LRP2: variants seen among roughly 807,000 people sequenced by gnomAD.
LRP2 encodes low-density lipoprotein receptor-related protein 2.
In LRP2, 172 loss-of-function variants were observed where a neutral mutation model predicts 531.0. The ratio of observed to expected loss-of-function variants is 0.32; its 90% CI spans 0.29 to 0.37. LRP2 has a LOEUF of 0.37. Ranked by LOEUF, LRP2 falls within the 10% of genes least tolerant of loss-of-function variation. LRP2 has a pLI of 1.00. For missense variants in LRP2, 5,167 were observed against 5,868.3 expected (o/e 0.88, Z 3.90); for synonymous variants, 1,992 against 2,027.6 (o/e 0.98, Z 0.47).
chr2:169,205,892 C>G (rs1010046116), intron 40 of LRP2, 131 bp downstream of exon 40: 51 of 1,258,884 alleles, frequency 4.1e-5, no homozygotes, highest in Non-Finnish European at 5.8e-5. Context: ...ACTCAATATG[C>G]TTTCATTTTT....
chr2:169,181,129 A>T (rs57553016), intron 52 of LRP2, among the ~76,000 whole-genome samples: 3,544 of 148,532 alleles, frequency 0.024, 124 homozygotes, highest in African/African-American at 0.08. Flanking sequence ...TTAAAGAGAT[A>T]AAAAAAATTA....
chr2:169,246,644 C>G, intron 21 of LRP2, 61 bp downstream of exon 21: 1 of 1,579,920 alleles, frequency 6.3e-7, no homozygotes, highest in Non-Finnish European at 8.7e-7. Context: ...TATTTATTTT[C>G]TTTAAAGCCC....
rs544785940 is a variant in LRP2 at position 169,259,129 on chromosome 2, A to C, written c.2409T>G (p.Ser803=). The change falls in exon 17 of 79, where the codon TCT becomes TCG. Residue 803 remains serine (S), a synonymous_variant. Coordinates refer to ENST00000649046, the MANE Select transcript of LRP2 (RefSeq NM_004525.3). The part of the protein sequence containing the change: ...WISKNLYWTD[S]HYKSISVMRL... The stretch of plus-strand genomic sequence containing the variant: ...TCATGACACTGATACTCTTGTAATG[A>C]GAGTCTGTCCAATAGAGATTCTTTG... 38 of 1,613,266 alleles carry C rather than the reference A, an allele frequency of 2.4e-5. No individual in the cohort carries two copies. The highest frequency in any genetic ancestry group is 3.1e-5 in the Non-Finnish European group (36 of 1,179,546).
intron 4 of LRP2, among the ~76,000 whole-genome samples, chr2:169,301,700 C>G (rs577552918): frequency 1.1e-3 from 161 of 152,246 alleles, no homozygotes; most frequent in African/African-American, 3.6e-3. Flanking sequence ...TCCTCACCAT[C>G]TCGAACATTC....
chr2:169,327,321 C>A (rs1574261044), intron 1 of LRP2, among the ~76,000 whole-genome samples: 1 of 122,018 alleles, frequency 8.2e-6, no homozygotes, highest in African/African-American at 3.1e-5. Context: ...GTGGGGTCAG[C>A]CCCCCGCCCG....
chr2:169,132,400 G>A (rs1685325637), intron 77 of LRP2, among the ~76,000 whole-genome samples, 174 bp downstream of exon 77: 1 of 152,152 alleles, frequency 6.6e-6, no homozygotes, highest in Non-Finnish European at 1.5e-5. Context: ...GCTTTATTTG[G>A]TGGAAAGTTT....
Position 169,352,821 on chromosome 2 carries a change from G to C in LRP2, c.79+9500C>G, listed in dbSNP as rs528619806. Among the ~76,000 whole-genome samples, 22 of 151,866 alleles carry C rather than the reference G, an allele frequency of 1.4e-4. No individual in the cohort carries two copies. In the South Asian group the frequency reaches 2.9e-3, roughly 20 times the overall value. On this transcript the variant is annotated intron_variant, in intron 1 of 78. Transcript: ENST00000649046. Reference sequence around the variant, plus strand: ...AACAATGAGAACACATGGTCACAGGGGGGGGAACATCACACACAGAGAGGG... The same window carrying C: ...AACAATGAGAACACATGGTCACAGGCGGGGGAACATCACACACAGAGAGGG...
At chr2:169,285,795 G>C (rs1442718216) in intron 9 of LRP2, among the ~76,000 whole-genome samples, 3 of 152,136 alleles carry the variant, frequency 2.0e-5, no homozygotes, top group Non-Finnish European at 2.9e-5. Context: ...CCACTGCCAG[G>C]TCAACACTAC....
intron 68 of LRP2, among the ~76,000 whole-genome samples, 166 bp from the exon 69 acceptor site, chr2:169,147,125 G>A (rs1287681301): frequency 6.6e-6 from 1 of 152,100 alleles, no homozygotes; most frequent in African/African-American, 2.4e-5. Context: ...CAAAAATAGG[G>A]GCGCAAGAGC....
At chr2:169,195,029 G>A (rs1241478604) in intron 46 of LRP2, among the ~76,000 whole-genome samples, 2 of 152,110 alleles carry the variant, frequency 1.3e-5, no homozygotes, top group African/African-American at 2.4e-5. Flanking sequence ...TTTTTGAAGA[G>A]ACATATCTCC....
Position 169,209,515 on chromosome 2 carries a change from T to C in LRP2, c.6407A>G (p.Asn2136Ser). ...RIKPDGSSLM[N>S]IVTHGIGENG... ...TTCTCCTATTCCATGTGTCACAATG[T>C]TCATCAGAGAAGATCCATCTGGTTT... Residue 2136 changes from asparagine to serine, a missense_variant, in exon 38 of 79, where the codon AAC becomes AGC. By Grantham distance (46) the Asn-to-Ser change is conservative. Around this residue, in one of 6 missense-constraint regions of LRP2, gnomAD observed 2,811 missense variants for 3,058.0 expected, o/e 0.92. Transcript: ENST00000649046. 1.9e-6 allele frequency: 3 copies of C among 1,614,174 alleles called. No individual in the cohort carries two copies. The highest frequency in any genetic ancestry group is 2.2e-5 in the South Asian group (2 of 91,088).
At chr2:169,294,035 C>G in intron 6 of LRP2, 113 bp downstream of exon 6, 1 of 772,124 alleles carries the variant, frequency 1.3e-6, no homozygotes, top group Non-Finnish European at 2.3e-6. Context: ...AGTGACTCTT[C>G]TCCTTGAAAA....
At chr2:169,311,778 C>T (rs1684604971) in intron 3 of LRP2, among the ~76,000 whole-genome samples, 1 of 152,154 alleles carries the variant, frequency 6.6e-6, no homozygotes, top group Admixed American at 6.5e-5. Flanking sequence ...TCTCGTGGAT[C>T]TGTCTAATGT....
chr2:169,216,972 T>G (rs748335266), intron 34 of LRP2, among the ~76,000 whole-genome samples: 24 of 152,188 alleles, frequency 1.6e-4, no homozygotes, highest in Non-Finnish European at 3.2e-4. Context: ...GTAACACTTT[T>G]CTGTGAGAGT....
At chr2:169,157,559 G>A (rs1686378343) in intron 63 of LRP2, 57 bp from the exon 64 acceptor site, 1 of 1,600,296 alleles carries the variant, frequency 6.2e-7, no homozygotes, top group Non-Finnish European at 8.5e-7. Context: ...ACAGTCAAGT[G>A]GTGTATCAAA....
chr2:169,244,271 T>C (rs2105388820), intron 22 of LRP2, among the ~76,000 whole-genome samples: 1 of 152,352 alleles, frequency 6.6e-6, no homozygotes, highest in East Asian at 1.9e-4. Flanking sequence ...AAAGGAAATT[T>C]AAATTTTCTG....
intron 40 of LRP2, 51 bp from the exon 41 acceptor site, chr2:169,205,688 CT>C (rs755047579): frequency 1.6e-4 from 245 of 1,489,230 alleles, no homozygotes; most frequent in Middle Eastern, 1.6e-3. Flanking sequence ...CCTCATAGTC[CT>C]TTAAAAAAAA....
At chr2:169,282,249 G>A (rs896194286) in intron 10 of LRP2, among the ~76,000 whole-genome samples, 2 of 152,182 alleles carry the variant, frequency 1.3e-5, no homozygotes, top group Admixed American at 1.3e-4. Flanking sequence ...TTGGAAAATA[G>A]GAGTTTATAT....
At position 169,349,106 on chromosome 2, in the gene LRP2, C is replaced by G. The variant is rs79455326; in HGVS notation, c.79+13215G>C. 5.0e-3 allele frequency among the ~76,000 whole-genome samples: 762 copies of G among 152,276 alleles called. 13 individuals are homozygous for G. Among genetic ancestry groups the G allele is most frequent in the African/African-American group, 0.017 (723 of 41,542 alleles). On this transcript the variant is annotated intron_variant, in intron 1 of 78. Coordinates refer to ENST00000649046, the MANE Select transcript of LRP2 (RefSeq NM_004525.3). Reference sequence around the variant, plus strand: ...GATAAAAGAGATGAAAATCCCTGCCCTTGTGCCATTTACATCTTAGGGAAG... The same window carrying G: ...GATAAAAGAGATGAAAATCCCTGCCGTTGTGCCATTTACATCTTAGGGAAG...
Sources: allele counts gnomAD v4.1 joint callset (sites outside exome capture counted in the v4.1 genomes callset), GRCh38; gene constraint gnomAD v4.1.1; regional missense constraint gnomAD v4.1.1; transcripts MANE v1.5; gene names NCBI Gene and HGNC (gene_info 2026-07-23, HGNC 2026-07-21).